Variants in ALK observed in about 807,000 individuals in gnomAD.
ALK encodes ALK receptor tyrosine kinase.
ALK carries 74 observed loss-of-function variants against 163.1 expected under a neutral mutation model. The ratio of observed to expected loss-of-function variants is 0.45; its 90% CI spans 0.38 to 0.55. The LOEUF (loss-of-function observed/expected upper bound fraction) is 0.55, where lower values mean the gene tolerates loss of function less well. Ranked by LOEUF, ALK falls within the 20% of genes least tolerant of loss-of-function variation. The pLI, the probability that ALK is intolerant of heterozygous loss-of-function variation, is 0.00. For synonymous variants in ALK, 960 were observed against 843.2 expected, an observed-to-expected ratio of 1.14 and a Z score of -2.40; for missense variants, 2,063 against 2,105.3, an observed-to-expected ratio of 0.98 and a Z score of 0.39.
intron 4 of ALK, among the ~76,000 whole-genome samples, chr2:29,505,351 A>G (rs1358303683): frequency 1.3e-5 from 2 of 152,154 alleles, no homozygotes; most frequent in African/African-American, 4.8e-5. Context: ...TGAATGTGCT[A>G]TCTCAAGATG....
At chr2:29,576,535 T>G (rs1674529932) in intron 3 of ALK, among the ~76,000 whole-genome samples, 1 of 152,246 alleles carries the variant, frequency 6.6e-6, no homozygotes. Flanking sequence ...CTCTGCCTGA[T>G]GACTGCTCTC....
intron 1 of ALK, among the ~76,000 whole-genome samples, chr2:29,750,212 A>C (rs986249919): frequency 1.3e-5 from 2 of 152,230 alleles, no homozygotes; most frequent in Non-Finnish European, 2.9e-5. Flanking sequence ...GTGCATTTAC[A>C]CAAACCTAGA....
chr2:29,422,539 G>T (rs1469068702), intron 4 of ALK, among the ~76,000 whole-genome samples: 1 of 152,172 alleles, frequency 6.6e-6, no homozygotes, highest in East Asian at 1.9e-4. Context: ...AGTACATTGG[G>T]TGCTTCCTGA....
chr2:29,243,185 C>T (rs1462135238), intron 12 of ALK, among the ~76,000 whole-genome samples: 5 of 152,168 alleles, frequency 3.3e-5, no homozygotes, highest in Admixed American at 1.3e-4. Flanking sequence ...AGGTTGAGCC[C>T]GGCGAGGTGC....
chr2:29,612,101 G>C (rs1356714243), intron 3 of ALK, among the ~76,000 whole-genome samples: 1 of 152,048 alleles, frequency 6.6e-6, no homozygotes, highest in African/African-American at 2.4e-5. Flanking sequence ...TTGACACCAG[G>C]GTGTGCAACA....
chr2:29,747,223 C>T (rs559999736), intron 1 of ALK, among the ~76,000 whole-genome samples: 1 of 152,326 alleles, frequency 6.6e-6, no homozygotes, highest in East Asian at 1.9e-4. Flanking sequence ...CATTTCTTCT[C>T]CTCTAATCAG....
chr2:29,384,055 C>T (rs546083565), intron 4 of ALK, among the ~76,000 whole-genome samples, 196 bp from the exon 5 acceptor site: 1 of 152,164 alleles, frequency 6.6e-6, no homozygotes, highest in African/African-American at 2.4e-5. Flanking sequence ...TCCTTTTAGT[C>T]CAACAAACTT....
At chr2:29,251,330 C>A (rs2148197906) in intron 11 of ALK, 63 bp from the exon 12 acceptor site, 1 of 1,539,650 alleles carries the variant, frequency 6.5e-7, no homozygotes, top group South Asian at 1.2e-5. Context: ...CAGGGGCCTC[C>A]CTGGGTGGCC....
In ALK at chr2:29,259,453, G is replaced by A. The variant is rs550290421; in HGVS notation, c.2042-8186C>T. ...TGTTGCTATTTCTGTAGTCATTTTC[G>A]TTGTCCGAAGCTTGTTTTAAAGTAA... On this transcript the variant is annotated intron_variant, in intron 11 of 28. Transcript: ENST00000389048. Among the ~76,000 whole-genome samples the A allele has an allele frequency of 7.2e-5, 11 of 152,098 alleles. No individual in the cohort carries two copies. In the South Asian group the frequency reaches 1.2e-3, roughly 17 times the overall value.
At chr2:29,470,644 A>G (rs1671325663) in intron 4 of ALK, among the ~76,000 whole-genome samples, 1 of 151,938 alleles carries the variant, frequency 6.6e-6, no homozygotes. Context: ...ATATTCTTCA[A>G]AAATCAAAGT....
chr2:29,223,728 A>G (rs1472147028), intron 19 of ALK, 200 bp from the exon 20 acceptor site: 1 of 608,056 alleles, frequency 1.6e-6, no homozygotes, highest in Admixed American at 2.9e-5. Context: ...GTAAATGCAA[A>G]GCTAAAAATC....
intron 1 of ALK, among the ~76,000 whole-genome samples, chr2:29,730,260 C>A (rs1034241029): frequency 2.0e-5 from 3 of 152,124 alleles, no homozygotes; most frequent in African/African-American, 7.2e-5. Flanking sequence ...CTAGTGTGTA[C>A]CCTCAGCACA....
chr2:29,330,581 A>T (rs1667408390), intron 5 of ALK, among the ~76,000 whole-genome samples: 1 of 152,064 alleles, frequency 6.6e-6, no homozygotes, highest in East Asian at 1.9e-4. Context: ...GGAATAGCAG[A>T]CCCCCAAATA....
chr2:29,716,718 T>C (rs1679266443), intron 2 of ALK, among the ~76,000 whole-genome samples: 1 of 152,144 alleles, frequency 6.6e-6, no homozygotes, highest in South Asian at 2.1e-4. Context: ...GGTCTCTTCA[T>C]GTCGGATGCT....
intron 4 of ALK, among the ~76,000 whole-genome samples, chr2:29,408,248 AT>A (rs538076266): frequency 2.0e-3 from 276 of 140,662 alleles, no homozygotes; most frequent in Middle Eastern, 0.014. Flanking sequence ...ACACCTGGCT[AT>A]TTTTTTTTTT....
At chr2:29,260,370 GC>G (rs1321654797) in intron 11 of ALK, among the ~76,000 whole-genome samples, 1 of 152,050 alleles carries the variant, frequency 6.6e-6, no homozygotes, top group Non-Finnish European at 1.5e-5. Context: ...GTGTTATTCC[GC>G]CCTCTGTATC....
At position 29,920,442 on chromosome 2, in the gene ALK, A is replaced by T; in HGVS notation, c.218T>A (p.Leu73Gln). The T allele has an allele frequency of 6.2e-7, 1 of 1,609,398 alleles. No individual in the cohort carries two copies. Among genetic ancestry groups the T allele is most frequent in the African/African-American group, 1.3e-5 (1 of 74,954 alleles). The change falls in exon 1 of 29, where the codon CTG (leucine) becomes CAG (glutamine). Residue 73 changes from leucine to glutamine, a missense_variant. Physicochemically the swap from Leu to Gln is moderately radical, Grantham distance 113 (BLOSUM62 -2). Transcript: ENST00000389048. ...LFRVYARDLL[L>Q]PPSSSELKAG... ...CTTCAGCTCCGAGGAGGATGGTGGC[A>T]GCAGTAGGTCCCGGGCGTAGACACG...
intron 3 of ALK, among the ~76,000 whole-genome samples, chr2:29,556,704 G>A (rs747393271): frequency 1.2e-4 from 18 of 152,182 alleles, no homozygotes; most frequent in Non-Finnish European, 2.5e-4. Flanking sequence ...TCATTTAAAT[G>A]TGGAAGTGAC....
chr2:29,912,232 T>C (rs147061947), intron 1 of ALK, among the ~76,000 whole-genome samples: 11 of 152,210 alleles, frequency 7.2e-5, no homozygotes, highest in African/African-American at 2.6e-4. Context: ...AGACATAAAC[T>C]TATAGACTCA....
Sources: gnomAD v4.1 joint callset for allele counts (sites outside exome capture counted in the v4.1 genomes callset) on GRCh38, gnomAD v4.1.1 for gene constraint, MANE v1.5 for transcripts, NCBI Gene and HGNC (gene_info 2026-07-23, HGNC 2026-07-21) for gene names.